ENTPD3: variants seen among roughly 807,000 people sequenced by gnomAD.
ENTPD3 encodes the protein CD39 antigen-like 3.
In ENTPD3, 60 loss-of-function variants were observed where a neutral mutation model predicts 51.2. The observed-to-expected ratio is 1.17, with a 90% CI of 0.95 to 1.45. The LOEUF (loss-of-function observed/expected upper bound fraction) is 1.45. Ranked by LOEUF, ENTPD3 falls within the 40% of genes most tolerant of loss-of-function variation. The pLI is 0.00. For synonymous variants in ENTPD3, 221 were observed against 238.4 expected (o/e 0.93, Z 0.67); for missense variants, 593 against 641.1 (o/e 0.93, Z 0.81).
At chr3:40,397,574 A>G (rs1955237281) in intron 3 of ENTPD3, among the ~76,000 whole-genome samples, 1 of 152,172 alleles carries the variant, frequency 6.6e-6, no homozygotes, top group Non-Finnish European at 1.5e-5. Context: ...AGTGCCTAGA[A>G]TAAGTGCAGG....
intron 5 of ENTPD3, among the ~76,000 whole-genome samples, chr3:40,413,047 A>T (rs1376639794): frequency 6.6e-6 from 1 of 152,240 alleles, no homozygotes; most frequent in Admixed American, 6.5e-5. Flanking sequence ...CTCAGAGAAC[A>T]CAGAAAGGCA....
intron 7 of ENTPD3, among the ~76,000 whole-genome samples, chr3:40,416,646 G>T (rs1288079736): frequency 6.6e-6 from 1 of 152,188 alleles, no homozygotes; most frequent in Non-Finnish European, 1.5e-5. Flanking sequence ...GCATCAGCTA[G>T]AAAGCTATTG....
intron 7 of ENTPD3, among the ~76,000 whole-genome samples, chr3:40,422,505 C>T: frequency 8.3e-6 from 1 of 119,914 alleles, no homozygotes; most frequent in African/African-American, 2.9e-5. Context: ...TATCCTTCCC[C>T]CCTCCCCCCA....
chr3:40,419,688 T>C (rs1955821174), intron 7 of ENTPD3, among the ~76,000 whole-genome samples: 1 of 152,232 alleles, frequency 6.6e-6, no homozygotes, highest in South Asian at 2.1e-4. Context: ...TTCAATAAAA[T>C]GTATAGTTTT....
chr3:40,393,226 A>G (rs1427952342), intron 3 of ENTPD3, among the ~76,000 whole-genome samples: 1 of 152,164 alleles, frequency 6.6e-6, no homozygotes, highest in East Asian at 1.9e-4. Flanking sequence ...AACATTTCTC[A>G]TAAAGGGTCA....
At chr3:40,417,814 A>G (rs1315136664) in intron 7 of ENTPD3, among the ~76,000 whole-genome samples, 1 of 152,156 alleles carries the variant, frequency 6.6e-6, no homozygotes, top group Non-Finnish European at 1.5e-5. Context: ...ACCTCTAGCA[A>G]TGCCTAATGT....
intron 10 of ENTPD3, among the ~76,000 whole-genome samples, chr3:40,425,603 T>C (rs1333915663): frequency 3.3e-5 from 5 of 151,612 alleles, no homozygotes; most frequent in Non-Finnish European, 7.4e-5. Context: ...GGCTTAAAAT[T>C]TACATTAAAA....
rs141078155 is a variant in ENTPD3, at chr3:40,422,947, T to G, written c.929T>G (p.Val310Gly). The change falls in exon 8 of 11, where the codon GTG becomes GGG. Residue 310 changes from valine (V) to glycine (G), a missense_variant. By Grantham distance (109) the Val-to-Gly change is moderately radical. Coordinates refer to ENST00000301825, the MANE Select transcript of ENTPD3 (RefSeq NM_001248.4). ...CATGTATTTGATAGCCTGTGCACTG[T>G]GGACCAGAGGCCAGAAAGTTATAAC... Reference protein sequence around the residue: ...MGHVFDSLCTVDQRPESYNPN... With the variant: ...MGHVFDSLCTGDQRPESYNPN... The G allele has an allele frequency of 1.8e-5, 29 of 1,614,114 alleles. No homozygotes were observed. In the African/African-American group the frequency reaches 3.7e-4, roughly 21 times the overall value.
chr3:40,416,056 C>CTGGCA lies in ENTPD3; in HGVS notation c.815_819dup (p.Met274TrpfsTer109). On this transcript the variant is annotated frameshift_variant, in exon 7 of 11. Transcript: ENST00000301825. LOFTEE classifies it high-confidence loss of function. ...CCGGAATGAGGCTGAGAAGAAGTTT[C>CTGGCA]TGGCAATGCTCCTGCAGGTACTTGA... 1 of 1,613,922 alleles carries CTGGCA rather than the reference C, an allele frequency of 6.2e-7. No homozygotes were observed. Among genetic ancestry groups the CTGGCA allele is most frequent in the Non-Finnish European group, 8.5e-7 (1 of 1,179,900 alleles).
At chr3:40,403,205 T>C (rs1239170484) in intron 4 of ENTPD3, among the ~76,000 whole-genome samples, 1 of 152,162 alleles carries the variant, frequency 6.6e-6, no homozygotes, top group Non-Finnish European at 1.5e-5. Context: ...TCTGATCATC[T>C]GCCCTCCGAG....
chr3:40,415,907 G>A lies in ENTPD3; in HGVS notation c.665G>A (p.Gly222Asp), dbSNP rs755913625. Residue 222 changes from glycine to aspartate, a missense_variant, in exon 7 of 11, where the codon GGT becomes GAT. Transcript: ENST00000301825. ...ACCACGGGTGCCCTGGACTTAGGTG[G>A]TGCCTCCACCCAAATATCCTTCGTG... ...VETTGALDLGGASTQISFVAG... is the reference protein window; with the variant it reads ...VETTGALDLGDASTQISFVAG... 2.5e-6 allele frequency: 4 copies of A among 1,614,000 alleles called. No individual in the cohort carries two copies. Among genetic ancestry groups the A allele is most frequent in the East Asian group, 4.5e-5 (2 of 44,882 alleles).
chr3:40,413,801 T>G (rs569807138), intron 5 of ENTPD3, among the ~76,000 whole-genome samples: 1 of 152,348 alleles, frequency 6.6e-6, no homozygotes, highest in Non-Finnish European at 1.5e-5. Flanking sequence ...GCTGATATTT[T>G]AATTACTAGA....
intron 4 of ENTPD3, 54 bp from the exon 5 acceptor site, chr3:40,411,758 T>A (rs1955635987): frequency 6.6e-7 from 1 of 1,507,364 alleles, no homozygotes; most frequent in Non-Finnish European, 8.9e-7. Context: ...AAAAGTTGTA[T>A]CACTGCGATT....
At chr3:40,396,005 C>A (rs1955189072) in intron 3 of ENTPD3, among the ~76,000 whole-genome samples, 1 of 152,168 alleles carries the variant, frequency 6.6e-6, no homozygotes, top group South Asian at 2.1e-4. Context: ...CAACAGTGGC[C>A]TTAAACAAGG....
intron 4 of ENTPD3, among the ~76,000 whole-genome samples, chr3:40,406,723 A>G (rs1328512107): frequency 6.6e-6 from 1 of 152,106 alleles, no homozygotes; most frequent in South Asian, 2.1e-4. Flanking sequence ...CATCTAGTGT[A>G]TAGAAGACAT....
intron 5 of ENTPD3, 144 bp from the exon 6 acceptor site, chr3:40,414,537 G>A (rs1364035093): frequency 3.5e-6 from 3 of 859,404 alleles, no homozygotes; most frequent in African/African-American, 3.4e-5. Context: ...AAAAGGGATT[G>A]TGGTGTACAG....
chr3:40,394,315 T>C, intron 3 of ENTPD3: 1 of 335,606 alleles, frequency 3.0e-6, no homozygotes, highest in Non-Finnish European at 6.0e-6. Context: ...ACAGATAGGG[T>C]TTCACCGTGT....
intron 2 of ENTPD3, among the ~76,000 whole-genome samples, 184 bp downstream of exon 2, chr3:40,388,281 A>G (rs1954982585): frequency 6.6e-6 from 1 of 152,146 alleles, no homozygotes; most frequent in African/African-American, 2.4e-5. Flanking sequence ...CTTTTCATCA[A>G]AGCCACACAA....
chr3:40,403,837 T>TG (rs1344233823), intron 4 of ENTPD3, among the ~76,000 whole-genome samples: 2 of 152,124 alleles, frequency 1.3e-5, no homozygotes, highest in East Asian at 1.9e-4. Context: ...TTTGTAGAGA[T>TG]GGGGTCTCAC....
Sources: gnomAD v4.1 joint callset for allele counts (sites outside exome capture counted in the v4.1 genomes callset) on GRCh38, gnomAD v4.1.1 for gene constraint, MANE v1.5 for transcripts, NCBI Gene and HGNC (gene_info 2026-07-23, HGNC 2026-07-21) for gene names.